IGDCC3: variants seen among roughly 807,000 people sequenced by gnomAD.
IGDCC3 encodes immunoglobulin superfamily DCC subclass member 3.
IGDCC3 carries 47 observed loss-of-function variants against 72.0 expected under a neutral mutation model. The observed-to-expected ratio is 0.65, with a 90% CI of 0.52 to 0.83. The LOEUF (loss-of-function observed/expected upper bound fraction) is 0.83, where lower values mean the gene tolerates loss of function less well. IGDCC3 is among the 40% of genes least tolerant of loss of function. The pLI, the probability that IGDCC3 is intolerant of heterozygous loss-of-function variation, is 0.00. For synonymous variants in IGDCC3, 477 were observed against 472.8 expected (o/e 1.01, Z -0.11); for missense variants, 1,038 against 1,091.3 (o/e 0.95, Z 0.69).
At chr15:65,334,091 GC>G (rs1222528148) in intron 5 of IGDCC3, among the ~76,000 whole-genome samples, 2 of 151,106 alleles carry the variant, frequency 1.3e-5, no homozygotes, top group Non-Finnish European at 2.9e-5. Context: ...CCTGCCTGCT[GC>G]CCCCTCCCTC....
chr15:65,329,881 G>A lies in IGDCC3; in HGVS notation c.1859-17C>T. 1 of 1,613,650 alleles carries A rather than the reference G, an allele frequency of 6.2e-7. No individual in the cohort carries two copies. Among genetic ancestry groups the A allele is most frequent in the Non-Finnish European group, 8.5e-7 (1 of 1,179,984 alleles). On this transcript the variant is annotated splice_polypyrimidine_tract_variant and intron_variant, in intron 11 of 13. Transcript: ENST00000327987. The surrounding 1 kb of genome is among the most constrained non-coding windows in gnomAD (Gnocchi z 4.1). ...GGCTCAAGGCTGGGGACAGGGACGG[G>A]TTGGAGGCTTTGGCTCTCCAGGTCT...
At chr15:65,342,700 C>A (rs191882984) in intron 2 of IGDCC3, among the ~76,000 whole-genome samples, 3 of 152,188 alleles carry the variant, frequency 2.0e-5, no homozygotes, top group Non-Finnish European at 2.9e-5. Context: ...GCACTCCCCC[C>A]TCTTGGCCAC....
Position 65,335,861 on chromosome 15 carries a change from G to C in IGDCC3, c.505C>G (p.Leu169Val), listed in dbSNP as rs753018136. 18 of 1,614,078 alleles carry C rather than the reference G, an allele frequency of 1.1e-5. No individual in the cohort carries two copies. The highest frequency in any genetic ancestry group is 1.3e-5 in the Non-Finnish European group (15 of 1,180,016). Residue 169 changes from leucine (L) to valine (V), a missense_variant, in exon 3 of 14, where the codon CTG (leucine) becomes GTG (valine). Coordinates refer to ENST00000327987, the MANE Select transcript of IGDCC3 (RefSeq NM_004884.4). ...ACTCTGTTCTTCTCCCAAGTGATCA[G>C]GGGTTTGGGAAGCCCATGGATTTGG... is the stretch of plus-strand genomic sequence containing the variant. The part of the protein sequence containing the change: ...QCQIHGLPKP[L>V]ITWEKNRVPI...
intron 3 of IGDCC3, 68 bp downstream of exon 3, chr15:65,335,744 C>T: frequency 6.3e-7 from 1 of 1,578,788 alleles, no homozygotes; most frequent in Middle Eastern, 1.7e-4. Flanking sequence ...CGCGGGCCAT[C>T]CTTCTCTACG....
At chr15:65,358,800 G>T (rs2091242390) in intron 2 of IGDCC3, among the ~76,000 whole-genome samples, 1 of 151,888 alleles carries the variant, frequency 6.6e-6, no homozygotes, top group Non-Finnish European at 1.5e-5. Context: ...AACTGAAAAA[G>T]TGCTTTGATT....
chr15:65,349,691 C>T (rs1225348775), intron 2 of IGDCC3, among the ~76,000 whole-genome samples: 1 of 152,182 alleles, frequency 6.6e-6, no homozygotes, highest in Non-Finnish European at 1.5e-5. Flanking sequence ...GCTTTATGTT[C>T]TTGGGAGCTT....
intron 2 of IGDCC3, among the ~76,000 whole-genome samples, chr15:65,349,434 GA>G (rs1028180321): frequency 6.6e-6 from 1 of 150,970 alleles, no homozygotes; most frequent in Non-Finnish European, 1.5e-5. Context: ...TGAATGAATG[GA>G]AAAAAAAATC....
At chr15:65,367,462 A>G (rs567192490) in intron 2 of IGDCC3, among the ~76,000 whole-genome samples, 14 of 151,942 alleles carry the variant, frequency 9.2e-5, no homozygotes, top group South Asian at 2.1e-4. Flanking sequence ...CACCAGCATG[A>G]CACATGTATA....
chr15:65,363,331 G>C (rs1053529685), intron 2 of IGDCC3, among the ~76,000 whole-genome samples: 11 of 152,332 alleles, frequency 7.2e-5, no homozygotes, highest in Middle Eastern at 6.8e-3. Context: ...CCTTCAGGAT[G>C]GGGATGGGAA....
chr15:65,335,723 G>T, intron 3 of IGDCC3, 89 bp downstream of exon 3: 2 of 1,484,094 alleles, frequency 1.3e-6, no homozygotes, highest in Non-Finnish European at 1.9e-6. Context: ...ACCAACTGCA[G>T]CTCCCAGAGC....
At chr15:65,332,127 G>GT (rs1567060822) in intron 6 of IGDCC3, 21 bp from the exon 7 acceptor site, 2 of 1,607,082 alleles carry the variant, frequency 1.2e-6, no homozygotes, top group Admixed American at 3.4e-5. Context: ...AGTCAGGAGG[G>GT]TGGGGGCGCA....
chr15:65,336,600 C>T (rs1419079502), intron 2 of IGDCC3, among the ~76,000 whole-genome samples: 3 of 152,034 alleles, frequency 2.0e-5, no homozygotes, highest in East Asian at 1.9e-4. Flanking sequence ...TGCATCCATC[C>T]AAGGTGACAA....
chr15:65,363,154 C>A (rs2091271696), intron 2 of IGDCC3, among the ~76,000 whole-genome samples: 1 of 152,196 alleles, frequency 6.6e-6, no homozygotes, highest in Admixed American at 6.5e-5. Flanking sequence ...GCCACCACCC[C>A]CAGCTGGTTT....
rs2091369774 is a variant in IGDCC3, at chr15:65,377,867, C to A, written c.-79G>T. The A allele has an allele frequency of 3.8e-6, 4 of 1,055,250 alleles. No homozygotes were observed. The South Asian group carries it at 1.3e-4, about 35-fold the overall frequency. The allele number at this position is 1,055,250 out of a possible 1,614,324, so 65.4% of individuals were successfully genotyped here. On this transcript the variant is annotated 5_prime_UTR_variant, in exon 1 of 14. Transcript: ENST00000327987. This position sits in a 1 kb window ranked among gnomAD's most constrained non-coding sequence, Gnocchi z 4.9. ...CTCACAGCGTCCCGCGGGGCCGGCG[C>A]CGGGGCCGGGGCTGGGGCTCCGGCC...
chr15:65,331,123 G>C lies in IGDCC3; in HGVS notation c.1488C>G (p.Phe496Leu). 1 of 1,614,172 alleles carries C rather than the reference G, an allele frequency of 6.2e-7. No homozygotes were observed. Among genetic ancestry groups the C allele is most frequent in the Non-Finnish European group, 8.5e-7 (1 of 1,180,034 alleles). ...SDLEPSTAYS[F>L]YIKAYTPRGA... Reference sequence around the variant, plus strand: ...CCCTTGGTGTGTAGGCCTTGATGTAGAAACTGTAGGCTGTGGAGGGCTCCA... The same window carrying C: ...CCCTTGGTGTGTAGGCCTTGATGTACAAACTGTAGGCTGTGGAGGGCTCCA... The change falls in exon 9 of 14, where the codon TTC becomes TTG. Residue 496 changes from phenylalanine (F) to leucine (L), a missense_variant. Transcript: ENST00000327987.
At chr15:65,337,438 T>C (rs1189119183) in intron 2 of IGDCC3, among the ~76,000 whole-genome samples, 1 of 152,132 alleles carries the variant, frequency 6.6e-6, no homozygotes, top group Non-Finnish European at 1.5e-5. Flanking sequence ...CCTCTGGTTC[T>C]GTGCAGGTAA....
At chr15:65,343,235 C>G (rs535496780) in intron 2 of IGDCC3, among the ~76,000 whole-genome samples, 1 of 152,240 alleles carries the variant, frequency 6.6e-6, no homozygotes, top group South Asian at 2.1e-4. Context: ...TAAAAGGGAA[C>G]TGAGAGATTG....
intron 5 of IGDCC3, chr15:65,334,499 G>A (rs1483859131): frequency 3.9e-6 from 2 of 510,768 alleles, no homozygotes; most frequent in Non-Finnish European, 6.8e-6. Context: ...GTAACCCAAG[G>A]AGCTAAGCCA....
Position 65,335,820 on chromosome 15 carries a change from G to T in IGDCC3, c.546C>A (p.Asp182Glu), listed in dbSNP as rs201533431. 58 of 1,613,966 alleles carry T rather than the reference G, an allele frequency of 3.6e-5. No homozygotes were observed. The highest frequency in any genetic ancestry group is 4.6e-5 in the Non-Finnish European group (54 of 1,179,992). ...TCCCACACGTGGCTCACCTCTCATT[G>T]TCCGTGTCAATTGGGACTCTGTTCT... ...WEKNRVPIDT[D>E]NERYTLLPKG... The change falls in exon 3 of 14, where the codon GAC (aspartate) becomes GAA (glutamate). Residue 182 changes from aspartate to glutamate, a missense_variant. By Grantham distance (45) the Asp-to-Glu change is conservative. Transcript: ENST00000327987.
Sources: allele counts gnomAD v4.1 joint callset (sites outside exome capture counted in the v4.1 genomes callset), GRCh38; gene constraint gnomAD v4.1.1; non-coding constraint Gnocchi (gnomAD v3.1); transcripts MANE v1.5; gene names NCBI Gene and HGNC (gene_info 2026-07-23, HGNC 2026-07-21).